LRIF1: variants seen among roughly 807,000 people sequenced by gnomAD.
LRIF1 encodes the protein ligand dependent nuclear receptor interacting factor 1.
LRIF1 carries 32 observed loss-of-function variants against 52.7 expected under a neutral mutation model. That is an observed-to-expected ratio of 0.61 (90% CI 0.46 to 0.82). The LOEUF (loss-of-function observed/expected upper bound fraction) is 0.82. Among genes scored for constraint, LRIF1 ranks in the 40% least tolerant of loss-of-function variants. The pLI is 0.00. For missense variants in LRIF1, 887 were observed against 892.0 expected, an observed-to-expected ratio of 0.99 and a Z score of 0.07; for synonymous variants, 323 against 317.4, an observed-to-expected ratio of 1.02 and a Z score of -0.19.
the LRIF1 span, among the ~76,000 whole-genome samples, chr1:110,894,799 C>A: frequency 0.73 from 110,270 of 152,066 alleles, 42,008 homozygotes; most frequent in Non-Finnish European, 0.84. Context: ...CATGCTCAGC[C>A]TGTATGCCCA....
the LRIF1 span, chr1:110,937,246 G>A: frequency 1.3e-5 from 2 of 152,072 alleles, no homozygotes; most frequent in African/African-American, 4.8e-5. Flanking sequence ...GATAATTATA[G>A]AACATTTCAT....
chr1:110,903,725 CCTT>C, the LRIF1 span, among the ~76,000 whole-genome samples: 1 of 152,166 alleles, frequency 6.6e-6, no homozygotes, highest in Non-Finnish European at 1.5e-5. Flanking sequence ...GGCTGAAACT[CCTT>C]CTACTTGAGA....
chr1:110,926,736 T>A, the LRIF1 span, among the ~76,000 whole-genome samples: 1 of 152,142 alleles, frequency 6.6e-6, no homozygotes, highest in Non-Finnish European at 1.5e-5. Flanking sequence ...CCCCAATACA[T>A]AGCCAACAGA....
chr1:110,942,527 G>A (rs1658116520), downstream of LRIF1, among the ~76,000 whole-genome samples: 1 of 152,080 alleles, frequency 6.6e-6, no homozygotes, highest in South Asian at 2.1e-4. Flanking sequence ...CAGAGAGACA[G>A]TTAGTTGATT....
chr1:110,928,757 C>T, the LRIF1 span, among the ~76,000 whole-genome samples: 1 of 152,018 alleles, frequency 6.6e-6, no homozygotes, highest in South Asian at 2.1e-4. Context: ...TGGGAATATG[C>T]CTGCTATATT....
At chr1:110,911,515 C>T in the LRIF1 span, among the ~76,000 whole-genome samples, 3 of 152,168 alleles carry the variant, frequency 2.0e-5, no homozygotes, top group South Asian at 4.1e-4. Flanking sequence ...AGGCCAGCAT[C>T]ATTCTCATAC....
the LRIF1 span, among the ~76,000 whole-genome samples, chr1:110,922,733 C>T: frequency 1.3e-5 from 2 of 152,210 alleles, no homozygotes; most frequent in African/African-American, 2.4e-5. Context: ...TTTGTTCTCT[C>T]ATAGTTCTGG....
intron 1 of LRIF1, among the ~76,000 whole-genome samples, chr1:110,957,299 T>TCCAAAAAAA (rs1658740593): frequency 4.2e-5 from 1 of 24,086 alleles, no homozygotes; most frequent in Non-Finnish European, 8.0e-5. Flanking sequence ...CTACTAAAAA[T>TCCAAAAAAA]ACAAAAAAAA....
At chr1:110,882,268 A>G in the LRIF1 span, among the ~76,000 whole-genome samples, 1 of 152,158 alleles carries the variant, frequency 6.6e-6, no homozygotes, top group Non-Finnish European at 1.5e-5. Flanking sequence ...ACGATTTCGT[A>G]TGGAGAGAGG....
At chr1:110,950,277 A>G (rs189513362) in intron 2 of LRIF1, among the ~76,000 whole-genome samples, 154 bp from the exon 3 acceptor site, 24 of 152,326 alleles carry the variant, frequency 1.6e-4, no homozygotes, top group African/African-American at 5.5e-4. Flanking sequence ...ACACTCAAAA[A>G]ACTGAATATA....
chr1:110,881,819 T>G, the LRIF1 span, among the ~76,000 whole-genome samples: 2 of 152,160 alleles, frequency 1.3e-5, no homozygotes, highest in East Asian at 1.9e-4. Context: ...AGATGTGGAG[T>G]GGTATCTTAC....
At chr1:110,886,869 A>ATATT in the LRIF1 span, among the ~76,000 whole-genome samples, 1,552 of 82,728 alleles carry the variant, frequency 0.019, 16 homozygotes, top group Non-Finnish European at 0.026. Flanking sequence ...ATATATATAT[A>ATATT]TTTTTTTTTT....
At chr1:110,877,321 CAAAG>C in the LRIF1 span, among the ~76,000 whole-genome samples, 3 of 152,182 alleles carry the variant, frequency 2.0e-5, no homozygotes, top group Non-Finnish European at 4.4e-5. Context: ...TCTTATCCCA[CAAAG>C]AGTCTTGCTT....
downstream of LRIF1, among the ~76,000 whole-genome samples, chr1:110,942,997 A>C (rs924127699): frequency 6.6e-6 from 1 of 152,214 alleles, no homozygotes; most frequent in Non-Finnish European, 1.5e-5. Flanking sequence ...TCCAACATTA[A>C]GAGATCATAG....
chr1:110,920,286 C>A, the LRIF1 span, among the ~76,000 whole-genome samples: 1 of 152,048 alleles, frequency 6.6e-6, no homozygotes, highest in East Asian at 1.9e-4. Flanking sequence ...AACTTGAGAG[C>A]AACTAAGACA....
the LRIF1 span, chr1:110,896,572 C>A: frequency 1.5e-6 from 2 of 1,304,154 alleles, no homozygotes; most frequent in Non-Finnish European, 2.2e-6. Flanking sequence ...ATCTGAAGGG[C>A]ACACCTTTTC....
the LRIF1 span, chr1:110,892,881 A>T: frequency 4.9e-6 from 1 of 203,146 alleles, no homozygotes; most frequent in African/African-American, 2.4e-5. Flanking sequence ...GCTAGCTATT[A>T]TTATGTACTT....
chr1:110,933,481 C>A, the LRIF1 span, among the ~76,000 whole-genome samples: 1 of 152,248 alleles, frequency 6.6e-6, no homozygotes, highest in South Asian at 2.1e-4. Flanking sequence ...CTCCCCAAAC[C>A]CCCCAACAGC....
the LRIF1 span, chr1:110,899,083 T>G: frequency 1.3e-6 from 2 of 1,541,226 alleles, no homozygotes; most frequent in Non-Finnish European, 1.8e-6. Context: ...AGAAATGGCT[T>G]TTCTTATGAA....
Sources: gnomAD v4.1 joint callset for allele counts (sites outside exome capture counted in the v4.1 genomes callset) on GRCh38, gnomAD v4.1.1 for gene constraint, MANE v1.5 for transcripts, NCBI Gene and HGNC (gene_info 2026-07-23, HGNC 2026-07-21) for gene names.